The following ATP13A4 variants were observed in gnomAD, a reference collection of about 807,000 sequenced individuals.
ATP13A4 encodes ATPase 13A4.
Under a neutral mutation model 142.5 loss-of-function variants are expected in ATP13A4, and 114 were observed. The observed-to-expected ratio is 0.80, with a 90% confidence interval of 0.69 to 0.93. The LOEUF is 0.93. Among genes scored for constraint, ATP13A4 ranks in the 40% least tolerant of loss-of-function variants. The probability of loss-of-function intolerance (pLI) is 0.00; values close to 1 mark genes in which losing one functional copy is unlikely to be tolerated. For synonymous variants in ATP13A4, 488 were observed against 514.8 expected, an observed-to-expected ratio of 0.95 and a Z score of 0.70; for missense variants, 1,392 against 1,454.0, an observed-to-expected ratio of 0.96 and a Z score of 0.69.
At chr3:193,566,674 C>T (rs1724141545) in intron 2 of ATP13A4, among the ~76,000 whole-genome samples, 1 of 152,194 alleles carries the variant, frequency 6.6e-6, no homozygotes, top group Non-Finnish European at 1.5e-5. Flanking sequence ...CTTTCCACTA[C>T]ATTCCTCACC....
rs1576983934 is a variant in ATP13A4 at position 193,457,545 on chromosome 3, G to C, written c.1675-80C>G. 2.3e-6 allele frequency: 3 copies of C among 1,325,188 alleles called. No individual in the cohort carries two copies. In the East Asian group the frequency reaches 6.9e-5, roughly 31 times the overall value. 82.1% of individuals were successfully genotyped at this position (1,325,188 alleles called of 1,614,324 possible). Reference sequence around the variant, plus strand: ...GATGCTATGCTTGAACCCTCCCCTTGAGAAGATCCTCAGACCACCTCAATG... The same window carrying C: ...GATGCTATGCTTGAACCCTCCCCTTCAGAAGATCCTCAGACCACCTCAATG... On this transcript the variant is annotated intron_variant, in intron 14 of 29. Transcript: ENST00000342695.
chr3:193,516,222 A>G (rs747320568), intron 1 of ATP13A4, among the ~76,000 whole-genome samples: 4 of 152,204 alleles, frequency 2.6e-5, no homozygotes, highest in Non-Finnish European at 5.9e-5. Context: ...CCTGATAAAG[A>G]TTACATTGCC....
Position 193,554,806 on chromosome 3 carries a change from G to A in ATP13A4, c.-7C>T, listed in dbSNP as rs373836709. The A allele has an allele frequency of 8.7e-5, 140 of 1,613,826 alleles. No individual in the cohort carries two copies. Among genetic ancestry groups the A allele is most frequent in the Middle Eastern group, 1.7e-4 (1 of 6,036 alleles). The stretch of plus-strand genomic sequence containing the variant: ...CCTTCTCAAAGTGTCCCATGAAAAA[G>A]TTATTCCACACCTCCTCCCTGACCT... On this transcript the variant is annotated 5_prime_UTR_variant, in exon 1 of 30. Transcript: ENST00000342695.
At chr3:193,587,058 T>C (rs563476981) in intron 1 of ATP13A4, among the ~76,000 whole-genome samples, 131 of 152,306 alleles carry the variant, frequency 8.6e-4, no homozygotes, top group African/African-American at 3.2e-3. Flanking sequence ...TTTGGTAAAT[T>C]TATGGCTAAT....
chr3:193,443,972 C>A (rs1305068355), intron 18 of ATP13A4, among the ~76,000 whole-genome samples: 7 of 151,554 alleles, frequency 4.6e-5, no homozygotes, highest in Non-Finnish European at 5.9e-5. Flanking sequence ...ATATTCATGT[C>A]ATTAGAGTCC....
intron 2 of ATP13A4, among the ~76,000 whole-genome samples, chr3:193,575,432 C>T (rs1271408146): frequency 6.6e-6 from 1 of 152,006 alleles, no homozygotes; most frequent in Non-Finnish European, 1.5e-5. Flanking sequence ...TATAATCAAA[C>T]CACTTTGAAT....
In ATP13A4 at chr3:193,459,197, C is replaced by A; in HGVS notation, c.1558G>T (p.Ala520Ser). 1.9e-6 allele frequency: 3 copies of A among 1,614,218 alleles called. No homozygotes were observed. The South Asian group carries it at 3.3e-5, about 18-fold the overall frequency. Residue 520 changes from alanine to serine, a missense_variant, in exon 14 of 30, where the codon GCT (alanine) becomes TCT (serine). Transcript: ENST00000342695. ...QEVHSFASGQ[A>S]LPWGPLCAAM... Reference sequence around the variant, plus strand: ...GCACACAGTGGGCCCCATGGCAAAGCCTGGCCTGAGGCAAAGCTGTGAACT... The same window carrying A: ...GCACACAGTGGGCCCCATGGCAAAGACTGGCCTGAGGCAAAGCTGTGAACT...
In ATP13A4 at chr3:193,401,872, G is replaced by A. The variant is rs1026299676; in HGVS notation, c.*780C>T. 6.6e-6 allele frequency among the ~76,000 whole-genome samples: 1 copy of A among 152,126 alleles called. No homozygotes were observed. The highest frequency in any genetic ancestry group is 2.4e-5 in the African/African-American group (1 of 41,402). On this transcript the variant is annotated 3_prime_UTR_variant, in exon 30 of 30. Transcript: ENST00000342695. Reference sequence around the variant, plus strand: ...CCTTGACTAATGAGATATGAGTAGGGAAAGCAATGTGTGCCACTTTTGGGG... The same window carrying A: ...CCTTGACTAATGAGATATGAGTAGGAAAAGCAATGTGTGCCACTTTTGGGG...
chr3:193,435,079 A>G (rs191516301), intron 24 of ATP13A4, among the ~76,000 whole-genome samples: 74 of 152,358 alleles, frequency 4.9e-4, no homozygotes, highest in African/African-American at 1.7e-3. Context: ...TTTTACTGCT[A>G]TCTCTGCCCT....
At chr3:193,536,967 C>T (rs1337130085) in intron 1 of ATP13A4, among the ~76,000 whole-genome samples, 1 of 151,894 alleles carries the variant, frequency 6.6e-6, no homozygotes, top group East Asian at 1.9e-4. Flanking sequence ...AAGATCTAAG[C>T]AAACAGAGAG....
At position 193,459,168 on chromosome 3, in the gene ATP13A4, C is replaced by T. The variant is rs778053692; in HGVS notation, c.1587G>A (p.Ala529=). 13 of 1,614,100 alleles carry T rather than the reference C, an allele frequency of 8.1e-6. No individual in the cohort carries two copies. Among genetic ancestry groups the T allele is most frequent in the South Asian group, 5.5e-5 (5 of 91,086 alleles). The change falls in exon 14 of 30, where the codon GCG becomes GCA. Residue 529 remains alanine (A), a synonymous_variant. Transcript: ENST00000342695. ...GGATCAGAGAGTGGCAGCTGGCCATCGCTGCACACAGTGGGCCCCATGGCA... is the reference window on the plus strand; with the variant it reads ...GGATCAGAGAGTGGCAGCTGGCCATTGCTGCACACAGTGGGCCCCATGGCA... The part of the protein sequence containing the change: ...QALPWGPLCA[A]MASCHSLILL...
chr3:193,545,061 G>T (rs1335156686), intron 1 of ATP13A4, among the ~76,000 whole-genome samples: 1 of 152,090 alleles, frequency 6.6e-6, no homozygotes, highest in Non-Finnish European at 1.5e-5. Flanking sequence ...ATCAAATAAA[G>T]TCAATGTGAC....
At chr3:193,563,516 G>A (rs1724062117) in intron 2 of ATP13A4, among the ~76,000 whole-genome samples, 1 of 152,222 alleles carries the variant, frequency 6.6e-6, no homozygotes, top group African/African-American at 2.4e-5. Context: ...ACTTTAGCCA[G>A]GTGAGGTGGC....
At chr3:193,552,347 G>A (rs1220363565) in intron 1 of ATP13A4, among the ~76,000 whole-genome samples, 1 of 152,114 alleles carries the variant, frequency 6.6e-6, no homozygotes, top group East Asian at 1.9e-4. Context: ...TTCTTTATTT[G>A]ACATGAGGTC....
upstream of ATP13A4, among the ~76,000 whole-genome samples, chr3:193,559,686 C>G (rs975277362): frequency 6.6e-6 from 1 of 152,228 alleles, no homozygotes; most frequent in African/African-American, 2.4e-5. Context: ...GTCTCTGCTT[C>G]TCAGAGGACT....
At chr3:193,518,434 T>C (rs1032249640) in intron 1 of ATP13A4, among the ~76,000 whole-genome samples, 10 of 152,090 alleles carry the variant, frequency 6.6e-5, no homozygotes, top group Admixed American at 2.0e-4. Context: ...TATATCTAGA[T>C]AAAAGAAAAC....
chr3:193,471,998 C>T (rs1222816915), intron 8 of ATP13A4, among the ~76,000 whole-genome samples: 1 of 152,060 alleles, frequency 6.6e-6, no homozygotes, highest in African/African-American at 2.4e-5. Flanking sequence ...GTGGCAGTGG[C>T]CCGCTGTGGG....
In ATP13A4 at chr3:193,527,429, T is replaced by C. The variant is rs1261010487; in HGVS notation, c.61-12558A>G. On this transcript the variant is annotated intron_variant, in intron 1 of 29. Coordinates refer to ENST00000342695, the MANE Select transcript of ATP13A4 (RefSeq NM_032279.4). The stretch of plus-strand genomic sequence containing the variant: ...CAGTTCGAGACTAGTCTGGACAACA[T>C]GGTGAAACCCCGTCTCTACTAAAAA... 2.0e-5 allele frequency among the ~76,000 whole-genome samples: 3 copies of C among 152,034 alleles called. No individual in the cohort carries two copies. The East Asian group carries it at 5.8e-4, about 29-fold the overall frequency.
rs1271391801 is a variant in ATP13A4, at chr3:193,447,879, C to A, written c.2152+327G>T. Reference sequence around the variant, plus strand: ...CCTTTGCCTGACTCATGTCTTCTTGCCATTCAGATCTTATTTCAAATGTCA... The same window carrying A: ...CCTTTGCCTGACTCATGTCTTCTTGACATTCAGATCTTATTTCAAATGTCA... On this transcript the variant is annotated intron_variant, in intron 18 of 29. Coordinates refer to ENST00000342695, the MANE Select transcript of ATP13A4 (RefSeq NM_032279.4). Among the ~76,000 whole-genome samples the A allele has an allele frequency of 3.3e-5, 5 of 152,264 alleles. No homozygotes were observed. In the East Asian group the frequency reaches 9.7e-4, roughly 29 times the overall value.
Sources: allele counts gnomAD v4.1 joint callset (sites outside exome capture counted in the v4.1 genomes callset), GRCh38; gene constraint gnomAD v4.1.1; transcripts MANE v1.5; gene names NCBI Gene and HGNC (gene_info 2026-07-23, HGNC 2026-07-21).